Variants in HPSE2 observed in about 807,000 individuals in gnomAD.
HPSE2 encodes the protein heparanase 2 (inactive).
In HPSE2, 38 loss-of-function variants were observed where a neutral mutation model predicts 60.5. The ratio of observed to expected loss-of-function variants is 0.63; its 90% confidence interval spans 0.48 to 0.82. The LOEUF (loss-of-function observed/expected upper bound fraction) is 0.82. Among genes scored for constraint, HPSE2 ranks in the 40% least tolerant of loss-of-function variants. HPSE2 has a pLI of 0.00. For missense variants in HPSE2, 713 were observed against 740.4 expected (o/e 0.96, Z 0.43); for synonymous variants, 295 against 293.2 (o/e 1.01, Z -0.06).
intron 2 of HPSE2, among the ~76,000 whole-genome samples, chr10:99,180,061 C>T (rs970673740): frequency 6.6e-6 from 1 of 152,096 alleles, no homozygotes; most frequent in African/African-American, 2.4e-5. Flanking sequence ...TAGCCATATG[C>T]AGAAAGCTGA....
chr10:98,617,620 C>A (rs950943839), intron 8 of HPSE2, among the ~76,000 whole-genome samples: 14 of 152,194 alleles, frequency 9.2e-5, no homozygotes, highest in African/African-American at 3.4e-4. Flanking sequence ...TTATCTTCAT[C>A]TTCCTCCTAT....
At chr10:98,530,567 T>A (rs1235917647) in intron 9 of HPSE2, among the ~76,000 whole-genome samples, 1 of 152,194 alleles carries the variant, frequency 6.6e-6, no homozygotes, top group East Asian at 1.9e-4. Context: ...CATCCATCCC[T>A]TTTGTTAGCT....
At position 98,528,986 on chromosome 10, in the gene HPSE2, C is replaced by T. The variant is rs561133580; in HGVS notation, c.1321-38790G>A. Among the ~76,000 whole-genome samples, 13 of 152,324 alleles carry T rather than the reference C, an allele frequency of 8.5e-5. No homozygotes were observed. The East Asian group carries it at 2.3e-3, about 27-fold the overall frequency. On this transcript the variant is annotated intron_variant, in intron 9 of 11. Coordinates refer to ENST00000370552, the MANE Select transcript of HPSE2 (RefSeq NM_021828.5). ...AAAATCAGTGGTAACAACCGCAAAC[C>T]ACTTATGGTACGCCCTGGGCTTAAT...
At chr10:98,852,113 A>ATATATGTGTGTGTGTGTGTG (rs779720749) in intron 3 of HPSE2, among the ~76,000 whole-genome samples, 4 of 91,928 alleles carry the variant, frequency 4.4e-5, no homozygotes, top group African/African-American at 9.2e-5. Flanking sequence ...GTATATTATG[A>ATATATGTGTGTGTGTGTGTG]TGTGTGTGTG....
At chr10:99,224,351 T>C (rs1364460750) in intron 2 of HPSE2, among the ~76,000 whole-genome samples, 1 of 151,788 alleles carries the variant, frequency 6.6e-6, no homozygotes, top group Non-Finnish European at 1.5e-5. Flanking sequence ...TTACCACTGA[T>C]AGACAAGTTC....
intron 3 of HPSE2, among the ~76,000 whole-genome samples, chr10:98,989,820 T>A (rs1455507047): frequency 6.6e-6 from 1 of 152,148 alleles, no homozygotes; most frequent in Non-Finnish European, 1.5e-5. Flanking sequence ...TGAATCATAA[T>A]TTAAGTAGGA....
At chr10:99,293,100 T>C in the HPSE2 span, among the ~76,000 whole-genome samples, 1 of 152,148 alleles carries the variant, frequency 6.6e-6, no homozygotes, top group Non-Finnish European at 1.5e-5. Flanking sequence ...ACCTGTAAGA[T>C]CTGATACTTA....
chr10:98,756,677 T>C (rs1949885606), intron 3 of HPSE2, among the ~76,000 whole-genome samples: 1 of 151,974 alleles, frequency 6.6e-6, no homozygotes, highest in African/African-American at 2.4e-5. Context: ...AATCAGTAGT[T>C]ACAAGCCTAC....
At chr10:99,160,535 C>T (rs1006807375) in intron 2 of HPSE2, among the ~76,000 whole-genome samples, 2 of 152,286 alleles carry the variant, frequency 1.3e-5, no homozygotes, top group East Asian at 3.9e-4. Flanking sequence ...ACAAAATAAA[C>T]TTGCTGTACA....
At chr10:99,263,923 G>A in the HPSE2 span, among the ~76,000 whole-genome samples, 1 of 152,004 alleles carries the variant, frequency 6.6e-6, no homozygotes, top group Admixed American at 6.6e-5. Context: ...TTTGCTGACA[G>A]GACACACTCC....
chr10:98,820,999 C>T (rs915609928), intron 3 of HPSE2, among the ~76,000 whole-genome samples: 7 of 152,160 alleles, frequency 4.6e-5, no homozygotes, highest in African/African-American at 1.4e-4. Context: ...ACCCTCCTTC[C>T]CCTACCTGTT....
chr10:99,245,306 C>A, the HPSE2 span, among the ~76,000 whole-genome samples: 1 of 152,136 alleles, frequency 6.6e-6, no homozygotes. Flanking sequence ...CTACACAATT[C>A]TATTTGGTTT....
chr10:98,547,219 A>G (rs1373693589), intron 9 of HPSE2, among the ~76,000 whole-genome samples: 1 of 112,936 alleles, frequency 8.9e-6, no homozygotes, highest in Non-Finnish European at 1.9e-5. Flanking sequence ...ACTGTCAACT[A>G]GTTCAACCAT....
At chr10:99,077,285 C>T (rs1396718755) in intron 3 of HPSE2, among the ~76,000 whole-genome samples, 3 of 152,152 alleles carry the variant, frequency 2.0e-5, no homozygotes, top group Non-Finnish European at 2.9e-5. Flanking sequence ...GCCATTACTT[C>T]TTTGAATAAG....
At chr10:98,990,494 G>A (rs1956496885) in intron 3 of HPSE2, among the ~76,000 whole-genome samples, 1 of 152,152 alleles carries the variant, frequency 6.6e-6, no homozygotes, top group South Asian at 2.1e-4. Flanking sequence ...ATGAAGCTTC[G>A]CTCGCTCACC....
intron 3 of HPSE2, among the ~76,000 whole-genome samples, chr10:98,828,975 AT>A (rs1951618046): frequency 2.1e-5 from 1 of 48,270 alleles, no homozygotes; most frequent in Non-Finnish European, 4.9e-5. Context: ...AGATGAATGA[AT>A]TAAAAAAAAA....
At chr10:98,922,097 T>A (rs1954298441) in intron 3 of HPSE2, among the ~76,000 whole-genome samples, 3 of 152,218 alleles carry the variant, frequency 2.0e-5, no homozygotes, top group Admixed American at 2.0e-4. Context: ...TTAATAGAAA[T>A]GATTTAATTA....
At chr10:98,823,406 G>T (rs547358709) in intron 3 of HPSE2, among the ~76,000 whole-genome samples, 11 of 152,266 alleles carry the variant, frequency 7.2e-5, no homozygotes, top group African/African-American at 2.4e-4. Flanking sequence ...ACTGCTTGAG[G>T]CCAGGAGTTC....
chr10:98,852,018 C>T (rs1952184540), intron 3 of HPSE2, among the ~76,000 whole-genome samples: 1 of 151,876 alleles, frequency 6.6e-6, no homozygotes, highest in South Asian at 2.1e-4. Context: ...TTGCAGACAG[C>T]ACTACCGGTG....
Sources: gnomAD v4.1 joint callset for allele counts (sites outside exome capture counted in the v4.1 genomes callset) on GRCh38, gnomAD v4.1.1 for gene constraint, MANE v1.5 for transcripts, NCBI Gene and HGNC (gene_info 2026-07-23, HGNC 2026-07-21) for gene names.